MORN3: variants seen among roughly 807,000 people sequenced by gnomAD.
The protein encoded by MORN3 is MORN repeat-containing protein 3.
MORN3 carries 38 observed loss-of-function variants against 34.7 expected under a neutral mutation model. The ratio of observed to expected loss-of-function variants is 1.10; its 90% CI spans 0.85 to 1.44. The LOEUF (loss-of-function observed/expected upper bound fraction) is 1.44, where lower values mean the gene tolerates loss of function less well. Among genes scored for constraint, MORN3 ranks in the 40% most tolerant of loss-of-function variants. The pLI, the probability that MORN3 is intolerant of heterozygous loss-of-function variation, is 0.00. For missense variants in MORN3, 311 were observed against 321.7 expected (o/e 0.97, Z 0.25); for synonymous variants, 109 against 115.3 (o/e 0.95, Z 0.35).
chr12:121,657,159 T>C (rs1893438593), intron 2 of MORN3, among the ~76,000 whole-genome samples: 1 of 152,202 alleles, frequency 6.6e-6, no homozygotes, highest in Non-Finnish European at 1.5e-5. Flanking sequence ...TTATAGTTTA[T>C]AGTTTAAACA....
chr12:121,668,268 G>A (rs945140001), intron 1 of MORN3, among the ~76,000 whole-genome samples: 2 of 151,646 alleles, frequency 1.3e-5, no homozygotes, highest in Non-Finnish European at 1.5e-5. Flanking sequence ...TGGGCTGGGC[G>A]CAGTGGCTAA....
rs1442326224 is a variant in MORN3 at position 121,649,370 on chromosome 12, C to T, written c.*2281G>A. 6.6e-6 allele frequency: 1 copy of T among 152,282 alleles called. No individual in the cohort carries two copies. Among genetic ancestry groups the T allele is most frequent in the African/African-American group, 2.4e-5 (1 of 41,452 alleles). The allele number at this position is 152,282 out of a possible 1,614,324, so 9.4% of individuals were successfully genotyped here. On this transcript the variant is annotated 3_prime_UTR_variant, in exon 6 of 6. Coordinates refer to ENST00000355329, the MANE Select transcript of MORN3 (RefSeq NM_173855.5). ...ATCCTCCCTGAACCTGTTTCCTCCT[C>T]TAAAATGGCAGTAATAGCAAGACAC...
At chr12:121,653,289 AG>A (rs1319461582) in intron 3 of MORN3, 30 bp from the exon 4 acceptor site, 13 of 1,603,066 alleles carry the variant, frequency 8.1e-6, no homozygotes, top group Non-Finnish European at 1.1e-5. Context: ...GGTGTGGTGC[AG>A]GGTACACCAA....
At chr12:121,659,081 A>T in intron 2 of MORN3, 110 bp downstream of exon 2, 4,042 of 667,904 alleles carry the variant, frequency 6.1e-3, no homozygotes, top group Non-Finnish European at 8.9e-3. Flanking sequence ...CTCCCTGTAG[A>T]CCTCCCCTCT....
At chr12:121,670,153 G>T (rs954127672), upstream of MORN3, among the ~76,000 whole-genome samples, 1 of 151,892 alleles carries the variant, frequency 6.6e-6, no homozygotes, top group Non-Finnish European at 1.5e-5. Flanking sequence ...GGGATTACAG[G>T]CATGAGCCAC....
intron 1 of MORN3, among the ~76,000 whole-genome samples, chr12:121,666,435 T>C (rs1893756982): frequency 6.6e-6 from 1 of 151,890 alleles, no homozygotes; most frequent in Admixed American, 6.6e-5. Context: ...ACCTGGGAAG[T>C]GGAGGTTTCA....
At chr12:121,666,476 C>A (rs1893759490) in intron 1 of MORN3, among the ~76,000 whole-genome samples, 1 of 152,106 alleles carries the variant, frequency 6.6e-6, no homozygotes, top group African/African-American at 2.4e-5. Flanking sequence ...TGCACTCCAT[C>A]CTGGGCGACA....
At chr12:121,664,534 G>A (rs1225255329) in intron 1 of MORN3, among the ~76,000 whole-genome samples, 1 of 152,170 alleles carries the variant, frequency 6.6e-6, no homozygotes, top group Non-Finnish European at 1.5e-5. Flanking sequence ...CAAGGCGGGC[G>A]GATCACTTGA....
At chr12:121,663,686 G>A (rs1893654268) in intron 1 of MORN3, among the ~76,000 whole-genome samples, 1 of 152,138 alleles carries the variant, frequency 6.6e-6, no homozygotes, top group Admixed American at 6.6e-5. Flanking sequence ...CTAGATTCCA[G>A]GATATGTGTA....
intron 1 of MORN3, among the ~76,000 whole-genome samples, chr12:121,663,941 T>TA (rs1198320963): frequency 2.6e-5 from 4 of 152,080 alleles, no homozygotes; most frequent in African/African-American, 4.8e-5. Context: ...TCTCCCACTC[T>TA]AAACCCCCAA....
chr12:121,665,827 G>A (rs374630251), intron 1 of MORN3, among the ~76,000 whole-genome samples: 52 of 149,768 alleles, frequency 3.5e-4, no homozygotes, highest in South Asian at 8.5e-4. Flanking sequence ...GACTGAATCA[G>A]TTGAGGGTTC....
intron 2 of MORN3, 32 bp downstream of exon 2, chr12:121,659,159 A>T (rs750794186): frequency 5.6e-6 from 9 of 1,605,630 alleles, no homozygotes; most frequent in Middle Eastern, 1.7e-4. Context: ...ACACACACAC[A>T]CACACACACC....
intron 4 of MORN3, 85 bp downstream of exon 4, chr12:121,652,990 G>T (rs1207355508): frequency 1.3e-6 from 2 of 1,482,108 alleles, no homozygotes; most frequent in African/African-American, 1.4e-5. Flanking sequence ...GCTGGGCCTG[G>T]CAGATCTGGC....
intron 1 of MORN3, among the ~76,000 whole-genome samples, chr12:121,668,508 T>A (rs1352333265): frequency 1.3e-5 from 2 of 152,130 alleles, no homozygotes; most frequent in Non-Finnish European, 2.9e-5. Flanking sequence ...GCCATTGCAC[T>A]CCAGCGTGGG....
intron 1 of MORN3, among the ~76,000 whole-genome samples, chr12:121,668,317 C>T (rs1046841629): frequency 2.6e-5 from 4 of 151,604 alleles, no homozygotes; most frequent in Admixed American, 2.6e-4. Context: ...CCGAGGCGGG[C>T]GGATCACTCG....
intron 1 of MORN3, among the ~76,000 whole-genome samples, chr12:121,664,846 T>G (rs547397863): frequency 1.1e-4 from 17 of 148,806 alleles, no homozygotes; most frequent in Admixed American, 3.3e-4. Flanking sequence ...AACCTGTTTT[T>G]TTTTTTTTTT....
chr12:121,652,979 G>A, intron 4 of MORN3, 96 bp downstream of exon 4: 1 of 1,459,998 alleles, frequency 6.8e-7, no homozygotes, highest in South Asian at 1.3e-5. Flanking sequence ...GTCTGGGCTT[G>A]GCTGGGCCTG....
intron 2 of MORN3, among the ~76,000 whole-genome samples, chr12:121,655,139 G>A (rs1280647690): frequency 2.0e-5 from 3 of 151,798 alleles, no homozygotes; most frequent in African/African-American, 7.3e-5. Flanking sequence ...CTTGAGGTCA[G>A]GAGTTTGAGA....
intron 5 of MORN3, 112 bp downstream of exon 5, chr12:121,652,616 C>T: frequency 6.4e-6 from 6 of 933,260 alleles, no homozygotes; most frequent in Non-Finnish European, 1.0e-5. Flanking sequence ...GGTCTTGCTC[C>T]CCCACTCCCC....
Sources: allele counts gnomAD v4.1 joint callset (sites outside exome capture counted in the v4.1 genomes callset), GRCh38; gene constraint gnomAD v4.1.1; transcripts MANE v1.5; gene names NCBI Gene and HGNC (gene_info 2026-07-23, HGNC 2026-07-21).